VRK3: variants seen among roughly 807,000 people sequenced by gnomAD.
VRK3 encodes VRK serine/threonine kinase 3.
In VRK3, 50 loss-of-function variants were observed where a neutral mutation model predicts 60.4. The observed-to-expected ratio is 0.83, with a 90% confidence interval of 0.66 to 1.05. VRK3 has a LOEUF of 1.05. Ranked by LOEUF, VRK3 falls within the 50% of genes least tolerant of loss-of-function variation. The probability of loss-of-function intolerance (pLI) is 0.00; values close to 1 mark genes in which losing one functional copy is unlikely to be tolerated. For synonymous variants in VRK3, 246 were observed against 227.8 expected, an observed-to-expected ratio of 1.08 and a Z score of -0.72; for missense variants, 549 against 585.3, an observed-to-expected ratio of 0.94 and a Z score of 0.64.
intron 12 of VRK3, among the ~76,000 whole-genome samples, chr19:49,983,278 A>G (rs1334466251): frequency 2.0e-5 from 3 of 152,168 alleles, no homozygotes; most frequent in Non-Finnish European, 2.9e-5. Context: ...GCCTCTGCAC[A>G]TATCGCTCTC....
intron 10 of VRK3, among the ~76,000 whole-genome samples, chr19:49,990,803 G>A (rs1156815588): frequency 6.7e-6 from 1 of 149,596 alleles, no homozygotes; most frequent in Admixed American, 6.7e-5. Flanking sequence ...TTTAAGTTTT[G>A]AGACAGGGTC....
intron 3 of VRK3, among the ~76,000 whole-genome samples, chr19:50,012,145 A>G (rs2077005262): frequency 6.6e-6 from 1 of 151,678 alleles, no homozygotes; most frequent in African/African-American, 2.4e-5. Flanking sequence ...CTAATTTTGT[A>G]TTTTTAGCAG....
chr19:50,000,219 C>G (rs1340996206), intron 6 of VRK3: 1 of 153,158 alleles, frequency 6.5e-6, no homozygotes, highest in Non-Finnish European at 1.5e-5. Flanking sequence ...CTGTTAGGCA[C>G]CTCCTCTGTG....
intron 12 of VRK3, among the ~76,000 whole-genome samples, chr19:49,986,105 T>G (rs1314153175): frequency 2.0e-5 from 3 of 152,210 alleles, no homozygotes; most frequent in Non-Finnish European, 2.9e-5. Context: ...TCCCCTTCTC[T>G]GAAGGAGGAT....
In VRK3 at chr19:50,022,963, C is replaced by T. The variant is rs371525799; in HGVS notation, c.-65+2304G>A. 1.6e-4 allele frequency among the ~76,000 whole-genome samples: 24 copies of T among 150,368 alleles called. No homozygotes were observed. In the East Asian group the frequency reaches 3.1e-3, roughly 19 times the overall value. ...CCTGTTCCCTCTCTGACCTCTCCCA[C>T]CTCTCCCCTTGCTCACGCTGAGTCA... On this transcript the variant is annotated intron_variant, in intron 1 of 14. Coordinates refer to ENST00000316763, the MANE Select transcript of VRK3 (RefSeq NM_016440.4).
At chr19:49,978,966 G>A (rs1009418497) in intron 14 of VRK3, 117 bp downstream of exon 14, 4 of 1,119,222 alleles carry the variant, frequency 3.6e-6, no homozygotes, top group African/African-American at 3.2e-5. Context: ...GTCTCCCTGG[G>A]AAGCTGGGCC....
At chr19:49,999,764 T>C (rs909426643) in intron 6 of VRK3, 5 of 152,220 alleles carry the variant, frequency 3.3e-5, no homozygotes, top group African/African-American at 1.2e-4. Context: ...GAAATGTTGA[T>C]GAGGTCAGAT....
At chr19:49,994,019 G>A (rs957103844) in intron 9 of VRK3, among the ~76,000 whole-genome samples, 1 of 152,114 alleles carries the variant, frequency 6.6e-6, no homozygotes, top group African/African-American at 2.4e-5. Flanking sequence ...CCCTCAGCCT[G>A]CTGTGCGAGG....
At chr19:50,000,615 C>T (rs2076787151) in intron 6 of VRK3, 175 bp downstream of exon 6, 1 of 708,734 alleles carries the variant, frequency 1.4e-6, no homozygotes, top group Non-Finnish European at 2.4e-6. Flanking sequence ...TTTCCAACAC[C>T]CTGGGATGAT....
chr19:49,981,789 CACAG>C, intron 12 of VRK3: 5 of 1,057,750 alleles, frequency 4.7e-6, no homozygotes, highest in South Asian at 3.7e-5. Context: ...CAAGCACACA[CACAG>C]ACACACACAC....
chr19:49,991,664 T>C (rs893478930), intron 10 of VRK3, among the ~76,000 whole-genome samples: 1 of 152,216 alleles, frequency 6.6e-6, no homozygotes, highest in Non-Finnish European at 1.5e-5. Context: ...CTGCCAGGGC[T>C]GCTAAGCTTT....
At chr19:49,979,761 C>T (rs1249211085) in intron 13 of VRK3, among the ~76,000 whole-genome samples, 1 of 152,050 alleles carries the variant, frequency 6.6e-6, no homozygotes, top group Non-Finnish European at 1.5e-5. Context: ...TAAAGTAATT[C>T]AGCCGGGCGC....
chr19:50,015,665 A>G (rs1263614377), intron 3 of VRK3: 1 of 220,206 alleles, frequency 4.5e-6, no homozygotes, highest in African/African-American at 2.2e-5. Context: ...CAAATATCCC[A>G]AAATCTGAAA....
chr19:50,004,156 T>C (rs562732638), intron 5 of VRK3, among the ~76,000 whole-genome samples: 8 of 152,306 alleles, frequency 5.3e-5, no homozygotes, highest in Middle Eastern at 3.4e-3. Flanking sequence ...CAAAACCACA[T>C]TGGCCCAGAG....
rs1217423290 is a variant in VRK3, at chr19:50,007,782, T to C, written c.334A>G (p.Thr112Ala). 2 of 1,614,010 alleles carry C rather than the reference T, an allele frequency of 1.2e-6. No individual in the cohort carries two copies. Among genetic ancestry groups the C allele is most frequent in the Non-Finnish European group, 1.7e-6 (2 of 1,180,044 alleles). ...PPTPKSSPQK[T>A]RKSPQVTRGS... ...CTGGTCACCTGAGGGCTCTTCCTGG[T>C]CTTCTGAGGGCTGCTTTTGGGGGTT... Residue 112 changes from threonine (T) to alanine (A), a missense_variant, in exon 5 of 15, where the codon ACC (threonine) becomes GCC (alanine). Coordinates refer to ENST00000316763, the MANE Select transcript of VRK3 (RefSeq NM_016440.4).
intron 7 of VRK3, chr19:49,996,909 G>C (rs888424881): frequency 2.0e-5 from 3 of 152,032 alleles, no homozygotes; most frequent in Non-Finnish European, 2.9e-5. Context: ...GAGCCACCAC[G>C]CCTGGCCTAT....
At chr19:49,993,618 T>C (rs2076649896) in intron 9 of VRK3, among the ~76,000 whole-genome samples, 1 of 152,190 alleles carries the variant, frequency 6.6e-6, no homozygotes, top group African/African-American at 2.4e-5. Context: ...CAGGCTGGTC[T>C]TGAACTCCTG....
At chr19:49,977,726 T>G (rs1263547368) in intron 14 of VRK3, among the ~76,000 whole-genome samples, 2 of 152,116 alleles carry the variant, frequency 1.3e-5, no homozygotes, top group African/African-American at 2.4e-5. Flanking sequence ...CCGAGCTGTC[T>G]GGCCTGGATA....
rs1234828034 is a variant in VRK3, at chr19:49,979,093, C to G, written c.*1G>C. 3 of 1,605,584 alleles carry G rather than the reference C, an allele frequency of 1.9e-6. No homozygotes were observed. In the Admixed American group the frequency reaches 5.0e-5, roughly 27 times the overall value. On this transcript the variant is annotated 3_prime_UTR_variant, in exon 14 of 15. Transcript: ENST00000316763. ...ACAAGCTCTTCCCACCTGGATTCCA[C>G]CTAGGGCACCATCGGGAGGCCAATG...
Sources: allele counts gnomAD v4.1 joint callset (sites outside exome capture counted in the v4.1 genomes callset), GRCh38; gene constraint gnomAD v4.1.1; transcripts MANE v1.5; gene names NCBI Gene and HGNC (gene_info 2026-07-23, HGNC 2026-07-21).